Variants in NSD3 observed in about 807,000 individuals in gnomAD.
NSD3 encodes the protein nuclear receptor binding SET domain protein 3.
In NSD3, 24 loss-of-function variants were observed where a neutral mutation model predicts 160.8. The ratio of observed to expected loss-of-function variants is 0.15; its 90% CI spans 0.11 to 0.21. NSD3 has a LOEUF of 0.21. Ranked by LOEUF, NSD3 falls within the 10% of genes least tolerant of loss-of-function variation. NSD3 has a pLI of 1.00. For synonymous variants in NSD3, 520 were observed against 600.0 expected (o/e 0.87, Z 1.95); for missense variants, 1,157 against 1,735.9 (o/e 0.67, Z 5.93).
Position 38,317,046 on chromosome 8 carries a change from T to G in NSD3, c.1856-1004A>C, listed in dbSNP as rs897407573. 3 of 1,059,868 alleles carry G rather than the reference T, an allele frequency of 2.8e-6. No homozygotes were observed. The highest frequency in any genetic ancestry group is 3.4e-6 in the Non-Finnish European group (3 of 876,054). The allele number at this position is 1,059,868 out of a possible 1,614,324, so 65.7% of individuals were successfully genotyped here. ...TCCATACAACAAACAGACATCTAGA[T>G]CAACCCAGCAAGCTATGGTGGAAGT... On this transcript the variant is annotated intron_variant, in intron 9 of 23. Transcript: ENST00000317025. The surrounding 1 kb of genome is among the most constrained non-coding windows in gnomAD (Gnocchi z 5.3).
Position 38,329,630 on chromosome 8 carries a change from T to G in NSD3, c.1329A>C (p.Ser443=). The part of the protein sequence containing the change: ...TNAGEVASSL[S]STEIRRHSQR... ...GGCTATGTCTCCGAATTTCAGTACT[T>G]GAGAGTGAGGAGGCCACCTCCCCTG... is the stretch of plus-strand genomic sequence containing the variant. Residue 443 remains serine, a synonymous_variant, in exon 6 of 24, where the codon TCA becomes TCC. Transcript: ENST00000317025. This position sits in a 1 kb window ranked among gnomAD's most constrained non-coding sequence, Gnocchi z 4.8. 1 of 1,614,236 alleles carries G rather than the reference T, an allele frequency of 6.2e-7. No homozygotes were observed. The highest frequency in any genetic ancestry group is 8.5e-7 in the Non-Finnish European group (1 of 1,180,030).
At chr8:38,357,118 CAAAAAAAAAAA>C (rs966483645) in intron 1 of NSD3, among the ~76,000 whole-genome samples, 15 of 21,314 alleles carry the variant, frequency 7.0e-4, no homozygotes, top group Admixed American at 2.5e-3. Flanking sequence ...GACACCATCT[CAAAAAAAAAAA>C]AAAAAAAAAA....
Position 38,347,644 on chromosome 8 carries a change from A to G in NSD3, c.528T>C (p.Leu176=), listed in dbSNP as rs1160836647. The stretch of plus-strand genomic sequence containing the variant: ...GCTCACTTGCCTGTACTTCATTTAA[A>G]AGGTCTCCACAAAGGGAAGACTCAA... ...ELFESSLCGD[L]LNEVQASEHT... The change falls in exon 2 of 24, where the codon CTT becomes CTC. Residue 176 remains leucine (L), a synonymous_variant. Coordinates refer to ENST00000317025, the MANE Select transcript of NSD3 (RefSeq NM_023034.2). 8.7e-6 allele frequency: 14 copies of G among 1,613,622 alleles called. No individual in the cohort carries two copies. Among genetic ancestry groups the G allele is most frequent in the Non-Finnish European group, 1.1e-5 (13 of 1,180,034 alleles).
chr8:38,336,200 C>T (rs1810211693), intron 4 of NSD3: 1 of 152,182 alleles, frequency 6.6e-6, no homozygotes, highest in African/African-American at 2.4e-5. Flanking sequence ...AAACTTGTCA[C>T]AGACAATGAG....
intron 7 of NSD3, among the ~76,000 whole-genome samples, chr8:38,323,024 C>T (rs1809826187): frequency 6.6e-6 from 1 of 152,172 alleles, no homozygotes; most frequent in African/African-American, 2.4e-5. Flanking sequence ...AGCTTTAGAG[C>T]ACCAGTCCCT....
chr8:38,281,070 T>C (rs990072398), intron 20 of NSD3, among the ~76,000 whole-genome samples: 9 of 152,170 alleles, frequency 5.9e-5, no homozygotes, highest in Non-Finnish European at 5.9e-5. Flanking sequence ...AGTTTTAATA[T>C]ACAGAACAAT....
At chr8:38,370,987 C>A (rs1811232782) in intron 1 of NSD3, among the ~76,000 whole-genome samples, 1 of 151,608 alleles carries the variant, frequency 6.6e-6, no homozygotes, top group South Asian at 2.1e-4. Context: ...CTTACAATAT[C>A]CCAAAATTGC....
intron 1 of NSD3, among the ~76,000 whole-genome samples, chr8:38,379,838 A>G (rs1811492474): frequency 6.6e-6 from 1 of 152,262 alleles, no homozygotes; most frequent in Non-Finnish European, 1.5e-5. Context: ...AATAAAAACA[A>G]AAGGTCACAC....
At position 38,286,130 on chromosome 8, in the gene NSD3, C is replaced by T. The variant is rs949854941; in HGVS notation, c.3501+2357G>A. Among the ~76,000 whole-genome samples the T allele has an allele frequency of 3.9e-5, 6 of 152,048 alleles. No homozygotes were observed. In the South Asian group the frequency reaches 6.2e-4, roughly 16 times the overall value. ...AACCAACAGAATATGGCATGGGTGACGGGGTGATTATGTGAGTTTATGACA... is the reference window on the plus strand; with the variant it reads ...AACCAACAGAATATGGCATGGGTGATGGGGTGATTATGTGAGTTTATGACA... On this transcript the variant is annotated intron_variant, in intron 19 of 23. Transcript: ENST00000317025.
chr8:38,369,350 A>G (rs1207829595), intron 1 of NSD3, among the ~76,000 whole-genome samples: 1 of 152,178 alleles, frequency 6.6e-6, no homozygotes, highest in East Asian at 1.9e-4. Context: ...GTGGAAGTAA[A>G]ATTGGACTGG....
At chr8:38,362,126 G>T (rs1450025798) in intron 1 of NSD3, among the ~76,000 whole-genome samples, 1 of 151,830 alleles carries the variant, frequency 6.6e-6, no homozygotes, top group Non-Finnish European at 1.5e-5. Context: ...AGATGCCAGA[G>T]AATATGGACA....
Position 38,318,026 on chromosome 8 carries a change from C to A in NSD3, c.1855+869G>T. 1.2e-6 allele frequency: 2 copies of A among 1,614,088 alleles called. No individual in the cohort carries two copies. The highest frequency in any genetic ancestry group is 1.7e-6 in the Non-Finnish European group (2 of 1,179,994). ...GAATCTGACAGAGCCCTGCACTCCC[C>A]GGTCCGCCGACCCTGTGGAATGGTG... On this transcript the variant is annotated intron_variant, in intron 9 of 23. Transcript: ENST00000317025. This position sits in a 1 kb window ranked among gnomAD's most constrained non-coding sequence, Gnocchi z 5.3.
intron 19 of NSD3, among the ~76,000 whole-genome samples, chr8:38,282,619 C>T (rs545703021): frequency 5.3e-5 from 8 of 152,170 alleles, no homozygotes; most frequent in African/African-American, 1.4e-4. Context: ...TGCAGAGGGC[C>T]GAGATCGCGC....
rs959009471 is a variant in NSD3, at chr8:38,276,037, C to T, written c.4073-155G>A. 1.6e-5 allele frequency: 13 copies of T among 815,534 alleles called. No individual in the cohort carries two copies. In the African/African-American group the frequency reaches 2.2e-4, roughly 14 times the overall value. The allele number at this position is 815,534 out of a possible 1,614,324, so 50.5% of individuals were successfully genotyped here. Reference sequence around the variant, plus strand: ...TCAACCAAACATAGATCTGGGTGTACAGTTTAGGATGGATGTGAGCTACTG... The same window carrying T: ...TCAACCAAACATAGATCTGGGTGTATAGTTTAGGATGGATGTGAGCTACTG... On this transcript the variant is annotated intron_variant, in intron 23 of 23. Transcript: ENST00000317025.
At chr8:38,325,851 C>T (rs1213930845) in intron 7 of NSD3, among the ~76,000 whole-genome samples, 4 of 149,348 alleles carry the variant, frequency 2.7e-5, no homozygotes, top group Non-Finnish European at 4.5e-5. Context: ...AGTGAGACCC[C>T]GTCTCAAAAA....
In NSD3 at chr8:38,316,284, T is replaced by G. The variant is rs1809661503; in HGVS notation, c.1856-242A>C. The stretch of plus-strand genomic sequence containing the variant: ...AATTCAGTTCTCCTCTCTAAAGCTA[T>G]TTTCAGTCAACAGAGCCCACGTTCC... On this transcript the variant is annotated intron_variant, in intron 9 of 23. Coordinates refer to ENST00000317025, the MANE Select transcript of NSD3 (RefSeq NM_023034.2). The surrounding 1 kb of genome is among the most constrained non-coding windows in gnomAD (Gnocchi z 4.5). 2.1e-6 allele frequency: 2 copies of G among 953,230 alleles called. No individual in the cohort carries two copies. The highest frequency in any genetic ancestry group is 3.4e-5 in the African/African-American group (2 of 59,472). The allele number at this position is 953,230 out of a possible 1,614,324, so 59.0% of individuals were successfully genotyped here. A position where few individuals can be genotyped will look rare whatever the true frequency, so the allele number is the denominator to read the frequency against.
rs767700220 is a variant in NSD3, at chr8:38,348,059, C to T, written c.113G>A (p.Ser38Asn). 6.2e-7 allele frequency: 1 copy of T among 1,614,050 alleles called. No homozygotes were observed. Among genetic ancestry groups the T allele is most frequent in the Admixed American group, 1.7e-5 (1 of 59,986 alleles). Residue 38 changes from serine to asparagine, a missense_variant, in exon 2 of 24, where the codon AGT (serine) becomes AAT (asparagine). Physicochemically the swap from Ser to Asn is conservative, Grantham distance 46. Around this residue, in one of 10 missense-constraint regions of NSD3, gnomAD observed 121 missense variants for 177.2 expected, o/e 0.68. Coordinates refer to ENST00000317025, the MANE Select transcript of NSD3 (RefSeq NM_023034.2). ...IRQEDAFDNNSDIAEDGGQTP... is the reference protein window; with the variant it reads ...IRQEDAFDNNNDIAEDGGQTP... ...CTGGCCACCATCTTCAGCAATGTCA[C>T]TGTTGTTATCAAAGGCATCCTCCTG...
intron 12 of NSD3, among the ~76,000 whole-genome samples, chr8:38,313,897 AAAG>A (rs1189229445): frequency 6.6e-6 from 1 of 152,206 alleles, no homozygotes; most frequent in African/African-American, 2.4e-5. Context: ...AATAAAAGGA[AAAG>A]AAGGAGTAGA....
At chr8:38,332,818 A>G (rs1810099050) in intron 4 of NSD3, among the ~76,000 whole-genome samples, 1 of 152,202 alleles carries the variant, frequency 6.6e-6, no homozygotes, top group African/African-American at 2.4e-5. Context: ...AAGTAAAAAA[A>G]AACTGATCTT....
Sources: gnomAD v4.1 joint callset for allele counts (sites outside exome capture counted in the v4.1 genomes callset) on GRCh38, gnomAD v4.1.1 for gene constraint, gnomAD v4.1.1 regional missense constraint, Gnocchi (gnomAD v3.1) non-coding constraint, MANE v1.5 for transcripts, NCBI Gene and HGNC (gene_info 2026-07-23, HGNC 2026-07-21) for gene names.